DDX60: variants seen among roughly 807,000 people sequenced by gnomAD.
DDX60 encodes the protein DExD/H-box helicase 60, also known as probable ATP-dependent RNA helicase DDX60.
A neutral mutation model predicts 212.8 loss-of-function variants in DDX60; 165 were observed. The ratio of observed to expected loss-of-function variants is 0.78; its 90% CI spans 0.68 to 0.88. The LOEUF is 0.88. Among genes scored for constraint, DDX60 ranks in the 40% least tolerant of loss-of-function variants. DDX60 has a pLI of 0.00. For missense variants in DDX60, 1,905 were observed against 2,003.9 expected (o/e 0.95, Z 0.94); for synonymous variants, 703 against 685.3 (o/e 1.03, Z -0.40).
rs1732952704 is a variant in DDX60 at position 168,219,084 on chromosome 4, C to A, written c.5039+1571G>T. 2.0e-5 allele frequency among the ~76,000 whole-genome samples: 3 copies of A among 151,586 alleles called. No individual in the cohort carries two copies. The South Asian group carries it at 6.3e-4, about 32-fold the overall frequency. ...TTGCCTGAGCTCAGGAATTTTGAGA[C>A]CAGCCTGGGCAGCATGGTGAAATCC... On this transcript the variant is annotated intron_variant, in intron 37 of 37. Transcript: ENST00000393743.
intron 22 of DDX60, among the ~76,000 whole-genome samples, chr4:168,266,491 T>C (rs1734855443): frequency 6.6e-6 from 1 of 152,146 alleles, no homozygotes; most frequent in Admixed American, 6.5e-5. Flanking sequence ...CAAGGTATTA[T>C]TGAGAGAAGA....
At chr4:168,308,988 G>A (rs140765279) in intron 3 of DDX60, among the ~76,000 whole-genome samples, 192 of 152,122 alleles carry the variant, frequency 1.3e-3, no homozygotes, top group African/African-American at 4.5e-3. Context: ...ACTTATGCAC[G>A]CACTTATAGA....
At position 168,234,089 on chromosome 4, in the gene DDX60, C is replaced by T. The variant is rs367647475; in HGVS notation, c.4533+2163G>A. Reference sequence around the variant, plus strand: ...TTATTTTGATTAAAAAGAAATCTAGCATTCTCATTGCTTCTTAGAAGGAAA... The same window carrying T: ...TTATTTTGATTAAAAAGAAATCTAGTATTCTCATTGCTTCTTAGAAGGAAA... On this transcript the variant is annotated intron_variant, in intron 33 of 37. Transcript: ENST00000393743. 1.4e-4 allele frequency among the ~76,000 whole-genome samples: 21 copies of T among 152,172 alleles called. No individual in the cohort carries two copies. In the South Asian group the frequency reaches 1.7e-3, roughly 12 times the overall value.
chr4:168,295,838 G>C (rs537451497), intron 6 of DDX60, among the ~76,000 whole-genome samples: 1 of 152,146 alleles, frequency 6.6e-6, no homozygotes, highest in Non-Finnish European at 1.5e-5. Flanking sequence ...AAAACGGGGG[G>C]AAATCCTGTC....
At chr4:168,287,339 G>C in intron 9 of DDX60, 136 bp from the exon 10 acceptor site, 1 of 720,426 alleles carries the variant, frequency 1.4e-6, no homozygotes, top group East Asian at 2.8e-5. Context: ...GTTCCACACT[G>C]GACATAAATG....
chr4:168,270,845 A>ATAAAT (rs1735059517), intron 19 of DDX60, among the ~76,000 whole-genome samples: 1 of 150,602 alleles, frequency 6.6e-6, no homozygotes, highest in South Asian at 2.1e-4. Context: ...ATCTCTTTTA[A>ATAAAT]TAAATATTCC....
rs778985596 is a variant in DDX60 at position 168,225,655 on chromosome 4, C to CA, written c.4554dup (p.Glu1519Ter). The CA allele has an allele frequency of 6.2e-7, 1 of 1,611,068 alleles. No homozygotes were observed. The highest frequency in any genetic ancestry group is 1.1e-5 in the South Asian group (1 of 90,608). On this transcript the variant is annotated frameshift_variant, in exon 34 of 38. Transcript: ENST00000393743. LOFTEE classifies it high-confidence loss of function. Reference sequence around the variant, plus strand: ...TCATCTAAAGCATCACTAAAATCCTCAGGGAGATCATCAAGGAACACCTAG... The same window carrying CA: ...TCATCTAAAGCATCACTAAAATCCTCAAGGGAGATCATCAAGGAACACCTAG...
chr4:168,220,068 C>T (rs915028384), intron 37 of DDX60, among the ~76,000 whole-genome samples: 3 of 151,808 alleles, frequency 2.0e-5, no homozygotes, highest in African/African-American at 7.3e-5. Flanking sequence ...GAAAGATGGA[C>T]ATGCAACTAA....
At chr4:168,248,352 TC>T in intron 28 of DDX60, 60 bp from the exon 29 acceptor site, 1 of 1,308,590 alleles carries the variant, frequency 7.6e-7, no homozygotes, top group Non-Finnish European at 1.0e-6. Context: ...TGCAAGTATT[TC>T]CTGTCATAAA....
At chr4:168,225,458 A>G in intron 34 of DDX60, 71 bp downstream of exon 34, 1 of 1,433,342 alleles carries the variant, frequency 7.0e-7, no homozygotes, top group South Asian at 1.4e-5. Context: ...CTCTTCTTCC[A>G]GAATAAACTA....
At chr4:168,237,174 A>ATATT in intron 32 of DDX60, 112 bp downstream of exon 32, 2 of 685,406 alleles carry the variant, frequency 2.9e-6, no homozygotes, top group Non-Finnish European at 4.2e-6. Context: ...AATTATCTAC[A>ATATT]TATTAATTGT....
intron 12 of DDX60, 96 bp from the exon 13 acceptor site, chr4:168,283,702 A>ACTGGAT: frequency 2.4e-6 from 2 of 825,496 alleles, no homozygotes; most frequent in Non-Finnish European, 3.6e-6. Context: ...TAGTTAAATT[A>ACTGGAT]GTGGAAAAGT....
At chr4:168,250,928 T>C in intron 28 of DDX60, 26 bp downstream of exon 28, 1 of 1,536,850 alleles carries the variant, frequency 6.5e-7, no homozygotes, top group East Asian at 2.3e-5. Flanking sequence ...CAATTTCAAT[T>C]TTTAGAATGA....
At chr4:168,233,647 A>G (rs1365935081) in intron 33 of DDX60, among the ~76,000 whole-genome samples, 1 of 152,076 alleles carries the variant, frequency 6.6e-6, no homozygotes, top group Non-Finnish European at 1.5e-5. Context: ...CTCATAAGTG[A>G]GAGCTAAGCT....
At chr4:168,266,736 T>C (rs1244938102) in intron 22 of DDX60, among the ~76,000 whole-genome samples, 1 of 152,180 alleles carries the variant, frequency 6.6e-6, no homozygotes, top group Non-Finnish European at 1.5e-5. Context: ...GAGGTATGCA[T>C]TTAGCTTTTT....
chr4:168,229,373 G>A (rs572106621), intron 33 of DDX60, among the ~76,000 whole-genome samples: 4 of 152,246 alleles, frequency 2.6e-5, no homozygotes, highest in Non-Finnish European at 4.4e-5. Context: ...CAGAAAAGCC[G>A]TTTCTGACTT....
intron 37 of DDX60, among the ~76,000 whole-genome samples, chr4:168,217,762 A>G (rs1192116789): frequency 6.6e-6 from 1 of 152,126 alleles, no homozygotes; most frequent in Non-Finnish European, 1.5e-5. Context: ...TGGAGATGAA[A>G]GGGAGCCACA....
At chr4:168,283,875 T>C (rs1735703549) in intron 12 of DDX60, among the ~76,000 whole-genome samples, 1 of 152,170 alleles carries the variant, frequency 6.6e-6, no homozygotes, top group Non-Finnish European at 1.5e-5. Context: ...TCATTACCTA[T>C]GTCCTGTGCC....
At chr4:168,286,941 C>G (rs1289336766) in intron 10 of DDX60, 107 bp downstream of exon 10, 1 of 779,800 alleles carries the variant, frequency 1.3e-6, no homozygotes, top group Non-Finnish European at 1.9e-6. Flanking sequence ...TATTAAAATT[C>G]AAGTGCCAGA....
Sources: gnomAD v4.1 joint callset for allele counts (sites outside exome capture counted in the v4.1 genomes callset) on GRCh38, gnomAD v4.1.1 for gene constraint, MANE v1.5 for transcripts, NCBI Gene and HGNC (gene_info 2026-07-23, HGNC 2026-07-21) for gene names.